The following SKIC3 variants were observed in gnomAD, a reference collection of about 807,000 sequenced individuals.
The protein encoded by SKIC3 is superkiller complex protein 3.
chr5:95,531,182 T>C, the SKIC3 span, among the ~76,000 whole-genome samples: 1 of 152,228 alleles, frequency 6.6e-6, no homozygotes, highest in African/African-American at 2.4e-5. Context: ...TAATACCATG[T>C]AGCTCATATA....
chr5:95,522,289 T>C, the SKIC3 span: 1 of 1,613,470 alleles, frequency 6.2e-7, no homozygotes, highest in East Asian at 2.2e-5. Flanking sequence ...TTGGGTCTGC[T>C]CTTAATGCTG....
the SKIC3 span, chr5:95,516,356 A>AGTTTGTGTTTGTG: frequency 6.2e-7 from 1 of 1,613,004 alleles, no homozygotes; most frequent in Admixed American, 1.7e-5. Context: ...TATTTACCTC[A>AGTTTGTGTTTGTG]ATGTTTTCAT....
chr5:95,527,922 T>C, the SKIC3 span: 1 of 1,420,584 alleles, frequency 7.0e-7, no homozygotes, highest in Non-Finnish European at 9.9e-7. Flanking sequence ...ACAAAATCCA[T>C]ATAAGTAAAT....
At chr5:95,468,340 C>T in the SKIC3 span, among the ~76,000 whole-genome samples, 4 of 152,108 alleles carry the variant, frequency 2.6e-5, no homozygotes, top group South Asian at 8.3e-4. Context: ...ACTTTGAGTG[C>T]TCTACCTCCA....
the SKIC3 span, chr5:95,467,760 A>G: frequency 7.4e-6 from 11 of 1,488,454 alleles, no homozygotes; most frequent in Non-Finnish European, 9.9e-6. Context: ...TTCAATCATA[A>G]AAGTGAAGTA....
At chr5:95,511,143 G>T in the SKIC3 span, among the ~76,000 whole-genome samples, 5 of 152,196 alleles carry the variant, frequency 3.3e-5, no homozygotes, top group African/African-American at 1.2e-4. Flanking sequence ...AGGCACAGTG[G>T]CTCACGCCTG....
At chr5:95,526,419 A>C in the SKIC3 span, among the ~76,000 whole-genome samples, 1 of 151,848 alleles carries the variant, frequency 6.6e-6, no homozygotes, top group Admixed American at 6.6e-5. Flanking sequence ...AAGATTCCCA[A>C]GGATACTTCA....
chr5:95,479,512 A>G, the SKIC3 span, among the ~76,000 whole-genome samples: 1 of 152,188 alleles, frequency 6.6e-6, no homozygotes, highest in Non-Finnish European at 1.5e-5. Flanking sequence ...CCTGTGGTAC[A>G]ACACAATAAA....
At chr5:95,475,156 T>G in the SKIC3 span, among the ~76,000 whole-genome samples, 5 of 152,178 alleles carry the variant, frequency 3.3e-5, no homozygotes, top group African/African-American at 1.2e-4. Flanking sequence ...AGGCTACATT[T>G]GGAGGTACAG....
chr5:95,537,964 A>G, the SKIC3 span, among the ~76,000 whole-genome samples: 5 of 152,298 alleles, frequency 3.3e-5, no homozygotes, highest in South Asian at 1.0e-3. Context: ...ACATACCTCA[A>G]AACAGTCTAG....
chr5:95,541,410 A>C, the SKIC3 span: 5 of 1,600,502 alleles, frequency 3.1e-6, no homozygotes, highest in African/African-American at 6.7e-5. Context: ...CACACACACA[A>C]AAGGATTTTG....
the SKIC3 span, chr5:95,523,445 G>A: frequency 8.2e-7 from 1 of 1,216,726 alleles, no homozygotes; most frequent in Non-Finnish European, 1.1e-6. Flanking sequence ...ACTTACACTG[G>A]TATACATCAA....
the SKIC3 span, among the ~76,000 whole-genome samples, chr5:95,519,898 T>C: frequency 6.6e-6 from 1 of 151,984 alleles, no homozygotes; most frequent in African/African-American, 2.4e-5. Flanking sequence ...AACTTTCCCT[T>C]TAGAAAGAAC....
chr5:95,536,002 T>C, the SKIC3 span, among the ~76,000 whole-genome samples: 1 of 152,110 alleles, frequency 6.6e-6, no homozygotes, highest in African/African-American at 2.4e-5. Flanking sequence ...AAAAAATCTA[T>C]TCAGCACAGA....
chr5:95,475,496 G>T, the SKIC3 span, among the ~76,000 whole-genome samples: 1 of 152,128 alleles, frequency 6.6e-6, no homozygotes, highest in East Asian at 1.9e-4. Context: ...CTTCCACCAT[G>T]ATTGTAAGTT....
the SKIC3 span, chr5:95,530,333 C>G: frequency 7.9e-7 from 1 of 1,262,490 alleles, no homozygotes. Flanking sequence ...CTTATGCATT[C>G]TTCACCACAT....
At chr5:95,502,442 C>T in the SKIC3 span, among the ~76,000 whole-genome samples, 1 of 152,214 alleles carries the variant, frequency 6.6e-6, no homozygotes, top group South Asian at 2.1e-4. Context: ...ACTCCAAAAA[C>T]ACAGAAATAG....
chr5:95,529,462 C>G, the SKIC3 span: 1 of 340,322 alleles, frequency 2.9e-6, no homozygotes, highest in Non-Finnish European at 5.7e-6. Context: ...GTGCAAACTC[C>G]TTACCAAGTC....
At chr5:95,467,030 T>A in the SKIC3 span, among the ~76,000 whole-genome samples, 1 of 152,234 alleles carries the variant, frequency 6.6e-6, no homozygotes, top group African/African-American at 2.4e-5. Context: ...TTTTTGATAC[T>A]GCTTTAGGTT....
Sources: allele counts gnomAD v4.1 joint callset (sites outside exome capture counted in the v4.1 genomes callset), GRCh38; gene constraint gnomAD v4.1.1; transcripts MANE v1.5; gene names NCBI Gene and HGNC (gene_info 2026-07-23, HGNC 2026-07-21).